The following XRN1 variants were observed in gnomAD, a reference collection of about 807,000 sequenced individuals.
XRN1 encodes the protein 5'-3' exoribonuclease 1, also known as strand-exchange protein 1 homolog.
Under a neutral mutation model 222.3 loss-of-function variants are expected in XRN1, and 67 were observed. That is an observed-to-expected ratio of 0.30 (90% CI 0.25 to 0.37). XRN1 has a LOEUF of 0.37. XRN1 is among the 10% of genes least tolerant of loss of function. The pLI, the probability that XRN1 is intolerant of heterozygous loss-of-function variation, is 1.00. For missense variants in XRN1, 1,707 were observed against 2,000.2 expected, an observed-to-expected ratio of 0.85 and a Z score of 2.80; for synonymous variants, 643 against 652.4, an observed-to-expected ratio of 0.99 and a Z score of 0.22.
chr3:142,329,457 A>T lies in XRN1; in HGVS notation c.4381T>A (p.Phe1461Ile), dbSNP rs1388441718. 6.3e-7 allele frequency: 1 copy of T among 1,581,626 alleles called. No homozygotes were observed. The highest frequency in any genetic ancestry group is 8.6e-7 in the Non-Finnish European group (1 of 1,168,918). ...CSLVGMPQPD[F>I]SFLRMPQTMT... ...ACCTGTGGCATCCTAAGAAAGGAGA[A>T]ATCAGGTTGTGGCATTCCAACAAGG... The change falls in exon 37 of 41, where the codon TTC becomes ATC. Residue 1461 changes from phenylalanine to isoleucine, a missense_variant. Around this residue, in one of 2 missense-constraint regions of XRN1, gnomAD observed 473 missense variants for 482.0 expected, o/e 0.98. Transcript: ENST00000392981.
intron 39 of XRN1, among the ~76,000 whole-genome samples, chr3:142,313,475 T>C (rs1577200079): frequency 6.6e-6 from 1 of 152,260 alleles, no homozygotes; most frequent in Non-Finnish European, 1.5e-5. Context: ...CCTGTACCAG[T>C]AGAGCATTTG....
chr3:142,318,821 T>C lies in XRN1; in HGVS notation c.4487A>G (p.Glu1496Gly), dbSNP rs1409384826. The C allele has an allele frequency of 1.1e-5, 18 of 1,613,888 alleles. No homozygotes were observed. The highest frequency in any genetic ancestry group is 1.4e-5 in the Non-Finnish European group (17 of 1,179,940). The change falls in exon 38 of 41, where the codon GAG becomes GGG. Residue 1496 changes from glutamate (E) to glycine (G), a missense_variant. Around this residue, in one of 2 missense-constraint regions of XRN1, gnomAD observed 473 missense variants for 482.0 expected, o/e 0.98. Transcript: ENST00000392981. ...PQCHSENEAK[E>G]KAALFALQQL... Reference sequence around the variant, plus strand: ...TTGTAAAGCAAAAAGTGCAGCTTTCTCTTTGGCTTCATTTTCAGAGTGGCA... The same window carrying C: ...TTGTAAAGCAAAAAGTGCAGCTTTCCCTTTGGCTTCATTTTCAGAGTGGCA...
intron 33 of XRN1, among the ~76,000 whole-genome samples, chr3:142,346,005 A>G (rs554453222): frequency 2.2e-4 from 33 of 152,210 alleles, no homozygotes; most frequent in Non-Finnish European, 4.3e-4. Context: ...AGTTACCACT[A>G]TATGACTCAG....
intron 29 of XRN1, among the ~76,000 whole-genome samples, chr3:142,364,182 G>A (rs897854651): frequency 1.3e-5 from 2 of 152,204 alleles, no homozygotes; most frequent in African/African-American, 4.8e-5. Context: ...CACATTGCTG[G>A]CACTAATTAA....
chr3:142,433,635 T>A (rs6772400), intron 1 of XRN1, among the ~76,000 whole-genome samples: 92,189 of 152,054 alleles, frequency 0.61, 28,913 homozygotes, highest in African/African-American at 0.78. Flanking sequence ...TTTGTGAGGA[T>A]GGGGAACATT....
At chr3:142,332,576 G>C in intron 35 of XRN1, 42 bp from the exon 36 acceptor site, 1 of 1,534,484 alleles carries the variant, frequency 6.5e-7, no homozygotes, top group Non-Finnish European at 8.8e-7. Flanking sequence ...AGGGTGAAGA[G>C]AACAAAGTCA....
intron 33 of XRN1, among the ~76,000 whole-genome samples, chr3:142,337,172 G>C (rs1471149429): frequency 2.6e-5 from 4 of 152,132 alleles, no homozygotes; most frequent in Admixed American, 1.3e-4. Context: ...GCTTTGCATA[G>C]TTCATGCCTT....
Position 142,411,938 on chromosome 3 carries a change from T to A in XRN1, c.1713+606A>T, listed in dbSNP as rs180997836. Among the ~76,000 whole-genome samples the A allele has an allele frequency of 1.7e-3, 253 of 151,736 alleles. 1 individual carries two copies. The highest frequency in any genetic ancestry group is 2.8e-3 in the Non-Finnish European group (192 of 67,906). Reference sequence around the variant, plus strand: ...CGGGGGTTCACGCCATTCTCCTGCCTCAGCCTCTCGAGTAGCTGGGACTAC... The same window carrying A: ...CGGGGGTTCACGCCATTCTCCTGCCACAGCCTCTCGAGTAGCTGGGACTAC... On this transcript the variant is annotated intron_variant, in intron 15 of 40. Transcript: ENST00000392981.
chr3:142,403,892 T>C lies in XRN1; in HGVS notation c.1981A>G (p.Thr661Ala). ...ACTTTGTGTCTGATGTGTTTCAGAG[T>C]AGGAAATCCACAGAAATATAATGCT... Reference protein sequence around the residue: ...QKALYFCGFPTLKHIRHKFFL... With the variant: ...QKALYFCGFPALKHIRHKFFL... Residue 661 changes from threonine (T) to alanine (A), a missense_variant, in exon 17 of 41, where the codon ACT becomes GCT. Around this residue, in one of 2 missense-constraint regions of XRN1, gnomAD observed 1,234 missense variants for 1,518.2 expected, o/e 0.81. Transcript: ENST00000392981. 1.2e-6 allele frequency: 2 copies of C among 1,613,268 alleles called. No homozygotes were observed. Among genetic ancestry groups the C allele is most frequent in the East Asian group, 2.2e-5 (1 of 44,750 alleles).
chr3:142,332,919 A>C (rs758749811), intron 35 of XRN1, 48 bp downstream of exon 35: 1 of 1,604,066 alleles, frequency 6.2e-7, no homozygotes, highest in Non-Finnish European at 8.5e-7. Flanking sequence ...CTGCATGGTC[A>C]ACAGTCGAGA....
chr3:142,423,177 T>C (rs1480158411), intron 6 of XRN1, among the ~76,000 whole-genome samples: 1 of 152,192 alleles, frequency 6.6e-6, no homozygotes, highest in African/African-American at 2.4e-5. Context: ...TAAGAAGTCC[T>C]AAATAACATA....
At chr3:142,396,101 C>T (rs2067918790) in intron 20 of XRN1, among the ~76,000 whole-genome samples, 1 of 152,176 alleles carries the variant, frequency 6.6e-6, no homozygotes, top group Non-Finnish European at 1.5e-5. Context: ...TGTGTTTTTA[C>T]TCATTATTAT....
chr3:142,405,732 T>C (rs1009630013), intron 15 of XRN1, among the ~76,000 whole-genome samples: 5 of 152,190 alleles, frequency 3.3e-5, no homozygotes, highest in Non-Finnish European at 5.9e-5. Context: ...AACAGTCCTT[T>C]AGGTATTTAA....
At chr3:142,430,134 C>A (rs1039176632) in intron 2 of XRN1, among the ~76,000 whole-genome samples, 15 of 152,194 alleles carry the variant, frequency 9.9e-5, no homozygotes, top group Admixed American at 1.3e-4. Context: ...CCTCACGTTA[C>A]CTGAATGTGG....
intron 1 of XRN1, among the ~76,000 whole-genome samples, chr3:142,446,237 G>C (rs968687027): frequency 6.6e-6 from 1 of 152,140 alleles, no homozygotes; most frequent in African/African-American, 2.4e-5. Flanking sequence ...ACTAGCTTTT[G>C]AATGCCTGTG....
chr3:142,350,275 A>C (rs1225527076), intron 32 of XRN1, among the ~76,000 whole-genome samples: 5 of 152,136 alleles, frequency 3.3e-5, no homozygotes, highest in African/African-American at 1.2e-4. Context: ...AGGACACAGA[A>C]GCCTAGGGAA....
chr3:142,376,001 C>CAT lies in XRN1; in HGVS notation c.2832-58_2832-57insAT, dbSNP rs1553729273. ...ACACACACACACACACACACACACA[C>CAT]GAGTTTTAAAATGTCGTTCAAGGAA... On this transcript the variant is annotated intron_variant, in intron 24 of 40. Transcript: ENST00000392981. 9.4e-6 allele frequency: 14 copies of CAT among 1,488,610 alleles called. No individual in the cohort carries two copies. In the Admixed American group the frequency reaches 3.1e-4, roughly 33 times the overall value. The allele number at this position is 1,488,610 out of a possible 1,614,324, so 92.2% of individuals were successfully genotyped here.
Position 142,448,010 on chromosome 3 carries a change from C to T in XRN1, c.-66G>A, listed in dbSNP as rs898539802. The T allele has an allele frequency of 1.3e-6, 2 of 1,545,836 alleles. No homozygotes were observed. The highest frequency in any genetic ancestry group is 2.3e-5 in the East Asian group (1 of 43,922). ...ACCAAACGCCCCGCCGGGGCTCCGC[C>T]GCAGCCTCCGGTCGTCGCTCCGCGG... On this transcript the variant is annotated 5_prime_UTR_variant, in exon 1 of 41. Transcript: ENST00000392981.
chr3:142,319,124 C>T (rs1304237046), intron 37 of XRN1, among the ~76,000 whole-genome samples: 2 of 152,150 alleles, frequency 1.3e-5, no homozygotes, highest in Non-Finnish European at 2.9e-5. Context: ...GGTCAATCCA[C>T]CTAATGCAAA....
Sources: gnomAD v4.1 joint callset for allele counts (sites outside exome capture counted in the v4.1 genomes callset) on GRCh38, gnomAD v4.1.1 for gene constraint, gnomAD v4.1.1 regional missense constraint, MANE v1.5 for transcripts, NCBI Gene and HGNC (gene_info 2026-07-23, HGNC 2026-07-21) for gene names.